GPC6: variants seen among roughly 807,000 people sequenced by gnomAD.
GPC6 encodes the protein glypican 6.
Under a neutral mutation model 55.2 loss-of-function variants are expected in GPC6, and 14 were observed. The observed-to-expected ratio is 0.25, with a 90% CI of 0.17 to 0.40. GPC6 has a LOEUF of 0.40. Ranked by LOEUF, GPC6 falls within the 10% of genes least tolerant of loss-of-function variation. The pLI is 1.00. For missense variants in GPC6, 641 were observed against 708.5 expected (o/e 0.90, Z 1.08); for synonymous variants, 278 against 259.6 (o/e 1.07, Z -0.68).
intron 6 of GPC6, among the ~76,000 whole-genome samples, chr13:94,330,409 C>A (rs1877350405): frequency 6.6e-6 from 1 of 152,154 alleles, no homozygotes; most frequent in East Asian, 1.9e-4. Flanking sequence ...GATGCCTGGG[C>A]CTCGTATTTA....
chr13:93,651,685 G>A (rs147298876), intron 2 of GPC6, among the ~76,000 whole-genome samples: 5 of 152,264 alleles, frequency 3.3e-5, no homozygotes, highest in African/African-American at 9.6e-5. Flanking sequence ...GCACCTGGAG[G>A]TGAGGAGGAA....
chr13:94,271,034 G>GGCTGGAGTGCAGTA (rs1403054938), intron 4 of GPC6, among the ~76,000 whole-genome samples: 1 of 131,354 alleles, frequency 7.6e-6, no homozygotes, highest in Non-Finnish European at 1.6e-5. Context: ...CTGTCGCCCA[G>GGCTGGAGTGCAGTA]GCTGGAGTGC....
At chr13:93,997,579 A>ATGTGTGTG (rs1331542079) in intron 3 of GPC6, among the ~76,000 whole-genome samples, 5 of 47,278 alleles carry the variant, frequency 1.1e-4, no homozygotes, top group African/African-American at 3.6e-4. Context: ...AAAAGACATA[A>ATGTGTGTG]TATGTGTGTG....
chr13:93,582,343 A>G (rs1039516101), intron 2 of GPC6, among the ~76,000 whole-genome samples: 3 of 152,228 alleles, frequency 2.0e-5, no homozygotes, highest in Admixed American at 2.0e-4. Flanking sequence ...ATGCTCTGGA[A>G]CAGTGTTTCC....
At chr13:93,567,408 A>G (rs1876183545) in intron 2 of GPC6, among the ~76,000 whole-genome samples, 1 of 152,220 alleles carries the variant, frequency 6.6e-6, no homozygotes, top group South Asian at 2.1e-4. Context: ...AAAAATTTTT[A>G]AATACATTTG....
intron 4 of GPC6, among the ~76,000 whole-genome samples, chr13:94,241,844 C>G (rs978036138): frequency 2.0e-5 from 3 of 152,016 alleles, no homozygotes; most frequent in African/African-American, 7.2e-5. Context: ...TTCTAGACAA[C>G]GAGATGTAAT....
chr13:93,948,247 C>A (rs1268231717), intron 3 of GPC6, among the ~76,000 whole-genome samples: 2 of 152,118 alleles, frequency 1.3e-5, no homozygotes, highest in African/African-American at 2.4e-5. Context: ...TTCCTCCTAT[C>A]GTATTTTCTC....
chr13:94,198,278 G>T (rs1323483592), intron 4 of GPC6, among the ~76,000 whole-genome samples: 1 of 152,102 alleles, frequency 6.6e-6, no homozygotes, highest in Non-Finnish European at 1.5e-5. Flanking sequence ...GCAGGTAATG[G>T]ATTGAAAAGC....
chr13:93,701,647 C>G (rs972974306), intron 2 of GPC6, among the ~76,000 whole-genome samples: 1 of 152,052 alleles, frequency 6.6e-6, no homozygotes, highest in Non-Finnish European at 1.5e-5. Flanking sequence ...ACTCACAGAA[C>G]TTCTTCAAAC....
chr13:93,653,866 G>C (rs892873522), intron 2 of GPC6, among the ~76,000 whole-genome samples: 3 of 151,948 alleles, frequency 2.0e-5, no homozygotes, highest in Non-Finnish European at 4.4e-5. Flanking sequence ...TAAAAATAAG[G>C]CATTTTAAAT....
At chr13:94,400,041 G>A (rs1463097670) in intron 8 of GPC6, among the ~76,000 whole-genome samples, 2 of 152,216 alleles carry the variant, frequency 1.3e-5, no homozygotes, top group East Asian at 1.9e-4. Flanking sequence ...ACCTAAAGAG[G>A]TTATGCACAT....
chr13:93,949,175 C>CA (rs1193380642), intron 3 of GPC6, among the ~76,000 whole-genome samples: 2 of 151,884 alleles, frequency 1.3e-5, no homozygotes, highest in Non-Finnish European at 2.9e-5. Context: ...TTTTTCATTT[C>CA]AAAAAAATGT....
Position 94,222,331 on chromosome 13 carries a change from G to T in GPC6, c.878-64018G>T, listed in dbSNP as rs185770133. Among the ~76,000 whole-genome samples, 566 of 152,232 alleles carry T rather than the reference G, an allele frequency of 3.7e-3. 3 individuals carry two copies. Among genetic ancestry groups the T allele is most frequent in the African/African-American group, 0.013 (540 of 41,558 alleles). ...ACATTGGATCTCAGGAAAATATTTG[G>T]AGAGAAGTCCCAGATTATATCTTGT... On this transcript the variant is annotated intron_variant, in intron 4 of 8. Coordinates refer to ENST00000377047, the MANE Select transcript of GPC6 (RefSeq NM_005708.5).
chr13:93,960,898 C>T (rs972333976), intron 3 of GPC6, among the ~76,000 whole-genome samples: 5 of 151,072 alleles, frequency 3.3e-5, no homozygotes, highest in East Asian at 2.0e-4. Flanking sequence ...CTGCAAGCTC[C>T]GCCTCCCAGG....
At chr13:93,262,710 C>T (rs1877191507) in intron 1 of GPC6, among the ~76,000 whole-genome samples, 1 of 152,048 alleles carries the variant, frequency 6.6e-6, no homozygotes, top group African/African-American at 2.4e-5. Flanking sequence ...GCCTCAGTTT[C>T]CCCCCACACC....
At chr13:93,623,242 C>T (rs1294501257) in intron 2 of GPC6, among the ~76,000 whole-genome samples, 23 of 152,054 alleles carry the variant, frequency 1.5e-4, no homozygotes, top group Admixed American at 1.5e-3. Context: ...CATAGGAGTG[C>T]AGATATCTCC....
the GPC6 span, among the ~76,000 whole-genome samples, chr13:93,221,640 A>G: frequency 6.6e-6 from 1 of 152,226 alleles, no homozygotes; most frequent in Non-Finnish European, 1.5e-5. Flanking sequence ...AAACCATAAG[A>G]TGGAAATGAA....
intron 4 of GPC6, among the ~76,000 whole-genome samples, chr13:94,138,155 G>T (rs1887251355): frequency 6.6e-6 from 1 of 152,102 alleles, no homozygotes; most frequent in Non-Finnish European, 1.5e-5. Context: ...ACATTCAAAG[G>T]AAAGGCTTAT....
intron 1 of GPC6, among the ~76,000 whole-genome samples, chr13:93,238,417 G>A (rs1116260): frequency 0.26 from 39,104 of 151,916 alleles, 5,135 homozygotes; most frequent in African/African-American, 0.32. Flanking sequence ...TGATTTGCAT[G>A]GGTTGGCCTT....
Sources: gnomAD v4.1 joint callset for allele counts (sites outside exome capture counted in the v4.1 genomes callset) on GRCh38, gnomAD v4.1.1 for gene constraint, MANE v1.5 for transcripts, NCBI Gene and HGNC (gene_info 2026-07-23, HGNC 2026-07-21) for gene names.